The following GSPT1 variants were observed in gnomAD, a reference collection of about 807,000 sequenced individuals.
GSPT1 encodes eukaryotic peptide chain release factor GTP-binding subunit ERF3A.
Under a neutral mutation model 72.5 loss-of-function variants are expected in GSPT1, and 20 were observed. The observed-to-expected ratio is 0.28, with a 90% confidence interval of 0.19 to 0.40. The LOEUF (loss-of-function observed/expected upper bound fraction) is 0.40, where lower values mean the gene tolerates loss of function less well. Ranked by LOEUF, GSPT1 falls within the 10% of genes least tolerant of loss-of-function variation. The probability of loss-of-function intolerance (pLI) is 1.00; values close to 1 mark genes in which losing one functional copy is unlikely to be tolerated. For synonymous variants in GSPT1, 334 were observed against 293.5 expected (o/e 1.14, Z -1.41); for missense variants, 580 against 811.9 (o/e 0.71, Z 3.47).
chr16:11,874,588 TAAACTA>T (rs1383461901), intron 14 of GSPT1, among the ~76,000 whole-genome samples: 1 of 151,674 alleles, frequency 6.6e-6, no homozygotes, highest in Non-Finnish European at 1.5e-5. Context: ...TTCTGAGTGG[TAAACTA>T]AAACTATCAT....
chr16:11,904,103 C>G, intron 1 of GSPT1: 1 of 231,500 alleles, frequency 4.3e-6, no homozygotes, highest in Non-Finnish European at 9.9e-6. Flanking sequence ...CAGAAGGCCA[C>G]ACATCTGAGG....
chr16:11,903,725 T>G (rs1372603526), intron 1 of GSPT1, among the ~76,000 whole-genome samples: 1 of 152,186 alleles, frequency 6.6e-6, no homozygotes, highest in African/African-American at 2.4e-5. Context: ...CTACATAGAA[T>G]TGCTGGTTGT....
rs376143242 is a variant in GSPT1, at chr16:11,877,464, C to A, written c.1545G>T (p.Gly515=). ...GATTATTAGGATCACAAAGTATAAA[C>A]CCTGGAAGAATCTCCTCTTCTTCAA... ...KGIEEEEILP[G]FILCDPNNLC... is the part of the protein sequence containing the mutation. The change falls in exon 12 of 15, where the codon GGG becomes GGT. Residue 515 remains glycine, a synonymous_variant. Transcript: ENST00000434724. This position sits in a 1 kb window ranked among gnomAD's most constrained non-coding sequence, Gnocchi z 4.0. 6.8e-6 allele frequency: 11 copies of A among 1,611,732 alleles called. No homozygotes were observed. Among genetic ancestry groups the A allele is most frequent in the Middle Eastern group, 1.6e-4 (1 of 6,076 alleles).
At chr16:11,873,338 G>A (rs1200087303) in intron 14 of GSPT1, among the ~76,000 whole-genome samples, 167 bp from the exon 15 acceptor site, 3 of 152,184 alleles carry the variant, frequency 2.0e-5, no homozygotes, top group African/African-American at 4.8e-5. Context: ...GTCTTAATAA[G>A]AGGGTCTTAT....
At chr16:11,899,883 T>C (rs2054384177) in intron 1 of GSPT1, among the ~76,000 whole-genome samples, 1 of 152,190 alleles carries the variant, frequency 6.6e-6, no homozygotes, top group South Asian at 2.1e-4. Flanking sequence ...ACTGAAATTG[T>C]GGAAATGATA....
intron 6 of GSPT1, among the ~76,000 whole-genome samples, chr16:11,889,803 G>A (rs1394551225): frequency 2.0e-5 from 3 of 151,868 alleles, no homozygotes; most frequent in African/African-American, 7.3e-5. Context: ...ACTGTGCCCG[G>A]CCATTTTTGT....
intron 5 of GSPT1, among the ~76,000 whole-genome samples, chr16:11,894,155 C>CAAAAAAAAAAAAAAAAAAAAAAAAAAA (rs57226427): frequency 2.3e-5 from 1 of 42,662 alleles, no homozygotes; most frequent in African/African-American, 8.8e-5. Context: ...GACCCTATCT[C>CAAAAAAAAAAAAAAAAAAAAAAAAAAA]AAAAAAAAAA....
intron 4 of GSPT1, 45 bp from the exon 5 acceptor site, chr16:11,895,032 C>A: frequency 7.7e-7 from 1 of 1,306,370 alleles, no homozygotes; most frequent in Non-Finnish European, 1.1e-6. Flanking sequence ...AAACCAAAAA[C>A]CAATGGCTAA....
chr16:11,916,536 C>T (rs1173831155), upstream of GSPT1, among the ~76,000 whole-genome samples: 2 of 152,224 alleles, frequency 1.3e-5, no homozygotes, highest in Non-Finnish European at 2.9e-5. Context: ...TCACCCCCAG[C>T]CAGATTTTGC....
intron 5 of GSPT1, among the ~76,000 whole-genome samples, chr16:11,891,701 C>T (rs1253542426): frequency 7.6e-6 from 1 of 131,994 alleles, no homozygotes; most frequent in African/African-American, 2.9e-5. Context: ...CTCGCTCTGT[C>T]GCCTAGGGTG....
At chr16:11,883,143 A>G (rs755425538) in intron 10 of GSPT1, 48 bp from the exon 11 acceptor site, 180 of 1,146,736 alleles carry the variant, frequency 1.6e-4, no homozygotes, top group Non-Finnish European at 1.9e-4. Flanking sequence ...TTGGTGCTGT[A>G]TAACAGCTCA....
At position 11,870,622 on chromosome 16, in the gene GSPT1, A is replaced by G. The variant is rs1440080780; in HGVS notation, c.*2497T>C. The G allele has an allele frequency of 6.6e-6, 1 of 152,246 alleles. No homozygotes were observed. Among genetic ancestry groups the G allele is most frequent in the African/African-American group, 2.4e-5 (1 of 41,468 alleles). The allele number at this position is 152,246 out of a possible 1,614,324, so 9.4% of individuals were successfully genotyped here. A position where few individuals can be genotyped will look rare whatever the true frequency, so the allele number is the denominator to read the frequency against. ...CCACATAATGCCAAGTTCACCTTAGACATTTTATTTACTTATCCAAATGAA... is the reference window on the plus strand; with the variant it reads ...CCACATAATGCCAAGTTCACCTTAGGCATTTTATTTACTTATCCAAATGAA... On this transcript the variant is annotated 3_prime_UTR_variant, in exon 15 of 15. Transcript: ENST00000434724.
intron 1 of GSPT1, among the ~76,000 whole-genome samples, chr16:11,912,429 T>A (rs1360802745): frequency 6.6e-6 from 1 of 151,796 alleles, no homozygotes; most frequent in Non-Finnish European, 1.5e-5. Context: ...CAAAACAGAA[T>A]GTTTCTCTTT....
At chr16:11,916,215 G>A (rs1198769565), upstream of GSPT1, 3 of 343,726 alleles carry the variant, frequency 8.7e-6, no homozygotes, top group African/African-American at 4.5e-5. Flanking sequence ...TCCGGCTCCC[G>A]GCAGGCAACG....
chr16:11,885,081 G>C (rs2054171450), intron 10 of GSPT1, 100 bp downstream of exon 10: 2 of 637,126 alleles, frequency 3.1e-6, no homozygotes, highest in Non-Finnish European at 5.7e-6. Context: ...AAAAAAACAA[G>C]AAAGAAAAGA....
chr16:11,887,816 C>A, intron 6 of GSPT1, 66 bp from the exon 7 acceptor site: 2 of 1,068,714 alleles, frequency 1.9e-6, no homozygotes, highest in Non-Finnish European at 2.8e-6. Context: ...ATATTCTTCA[C>A]CATTAAAGAT....
At chr16:11,894,690 G>A (rs2054312745) in intron 5 of GSPT1, among the ~76,000 whole-genome samples, 1 of 152,098 alleles carries the variant, frequency 6.6e-6, no homozygotes, top group African/African-American at 2.4e-5. Flanking sequence ...TCATTGTCTT[G>A]CCCAGGCTGG....
chr16:11,886,946 G>A lies in GSPT1; in HGVS notation c.958-15C>T, dbSNP rs2054192048. The A allele has an allele frequency of 6.2e-7, 1 of 1,611,456 alleles. No individual in the cohort carries two copies. The highest frequency in any genetic ancestry group is 1.1e-5 in the South Asian group (1 of 90,980). On this transcript the variant is annotated splice_polypyrimidine_tract_variant and intron_variant, in intron 7 of 14. Transcript: ENST00000434724. ...GCTGAGATTACCTAATTCCAAGAAA[G>A]GAAACAGTTTACTCCTTCGCCTTCA...
At chr16:11,896,354 A>T (rs866608918) in intron 4 of GSPT1, among the ~76,000 whole-genome samples, 1 of 152,246 alleles carries the variant, frequency 6.6e-6, no homozygotes, top group African/African-American at 2.4e-5. Flanking sequence ...TCCAGCATCT[A>T]TGCCGTTACA....
Sources: gnomAD v4.1 joint callset for allele counts (sites outside exome capture counted in the v4.1 genomes callset) on GRCh38, gnomAD v4.1.1 for gene constraint, Gnocchi (gnomAD v3.1) non-coding constraint, MANE v1.5 for transcripts, NCBI Gene and HGNC (gene_info 2026-07-23, HGNC 2026-07-21) for gene names.